The following EPS15 variants were observed in gnomAD, a reference collection of about 807,000 sequenced individuals.
EPS15 encodes the protein epidermal growth factor receptor substrate 15.
EPS15 carries 72 observed loss-of-function variants against 113.8 expected under a neutral mutation model. That is an observed-to-expected ratio of 0.63 (90% CI 0.52 to 0.77). The LOEUF (loss-of-function observed/expected upper bound fraction) is 0.77. Among genes scored for constraint, EPS15 ranks in the 30% least tolerant of loss-of-function variants. The probability of loss-of-function intolerance (pLI) is 0.00; values close to 1 mark genes in which losing one functional copy is unlikely to be tolerated. For missense variants in EPS15, 1,048 were observed against 1,045.8 expected (o/e 1.00, Z -0.03); for synonymous variants, 344 against 363.4 (o/e 0.95, Z 0.61).
At chr1:51,512,843 CT>C (rs59750666) in intron 1 of EPS15, among the ~76,000 whole-genome samples, 5,318 of 118,680 alleles carry the variant, frequency 0.045, 53 homozygotes, top group Middle Eastern at 0.069. Context: ...TGAGCAATAT[CT>C]TTTTTTTTTT....
intron 5 of EPS15, among the ~76,000 whole-genome samples, chr1:51,467,835 A>G (rs995170052): frequency 6.6e-6 from 1 of 152,172 alleles, no homozygotes; most frequent in African/African-American, 2.4e-5. Flanking sequence ...TTCTGAAACC[A>G]TCCATCCCTC....
intron 21 of EPS15, among the ~76,000 whole-genome samples, chr1:51,367,290 G>A (rs569482272): frequency 2.0e-4 from 31 of 152,288 alleles, no homozygotes; most frequent in African/African-American, 7.2e-4. Context: ...AGTGGCTCAC[G>A]CCTGTAATCC....
chr1:51,421,733 A>G, intron 13 of EPS15, 53 bp downstream of exon 13: 1 of 1,119,444 alleles, frequency 8.9e-7, no homozygotes, highest in Admixed American at 2.4e-5. Flanking sequence ...ATATAAATTT[A>G]AAATGAATAG....
intron 5 of EPS15, 26 bp from the exon 6 acceptor site, chr1:51,465,352 A>T (rs189858815): frequency 6.5e-7 from 1 of 1,527,650 alleles, no homozygotes; most frequent in Admixed American, 1.9e-5. Flanking sequence ...AAGCACAACA[A>T]GAGTTGAAAT....
At chr1:51,475,915 C>T (rs1193392133) in intron 2 of EPS15, among the ~76,000 whole-genome samples, 1 of 152,140 alleles carries the variant, frequency 6.6e-6, no homozygotes, top group East Asian at 1.9e-4. Flanking sequence ...CCAGTTTTCC[C>T]AGCACCATTT....
intron 13 of EPS15, among the ~76,000 whole-genome samples, chr1:51,420,185 CTAAG>C (rs1650619651): frequency 1.3e-5 from 2 of 152,032 alleles, no homozygotes; most frequent in Admixed American, 1.3e-4. Flanking sequence ...ACCATTGCCA[CTAAG>C]TAAGAAGGGC....
In EPS15 at chr1:51,471,743, AT is replaced by A; in HGVS notation, c.166-7del. The A allele has an allele frequency of 6.2e-7, 1 of 1,600,662 alleles. No individual in the cohort carries two copies. The highest frequency in any genetic ancestry group is 8.6e-7 in the Non-Finnish European group (1 of 1,168,728). On this transcript the variant is annotated splice_region_variant and splice_polypyrimidine_tract_variant and intron_variant, in intron 3 of 24. Coordinates refer to ENST00000371733, the MANE Select transcript of EPS15 (RefSeq NM_001981.3). ...GTGTCGGCTAAATCCCAAATCTGAA[AT>A]TTAGGGGGAAAAAATATCAATGTAT...
intron 11 of EPS15, among the ~76,000 whole-genome samples, chr1:51,440,909 A>C (rs1415255561): frequency 3.9e-5 from 6 of 152,112 alleles, no homozygotes; most frequent in Non-Finnish European, 8.8e-5. Context: ...AGGAATTTTT[A>C]CTTTTGTTAC....
chr1:51,394,768 T>C (rs72694176), intron 20 of EPS15, among the ~76,000 whole-genome samples: 9,445 of 152,312 alleles, frequency 0.062, 310 homozygotes, highest in Non-Finnish European at 0.074. Context: ...TCTTCATGTG[T>C]CCCTCTATAA....
intron 21 of EPS15, among the ~76,000 whole-genome samples, chr1:51,381,087 T>C (rs1404733394): frequency 2.6e-5 from 4 of 152,166 alleles, no homozygotes; most frequent in South Asian, 2.1e-4. Context: ...ACAGTAACAG[T>C]TGGAGACTTC....
At position 51,398,208 on chromosome 1, in the gene EPS15, C is replaced by T. The variant is rs539238541; in HGVS notation, c.2052+824G>A. Among the ~76,000 whole-genome samples the T allele has an allele frequency of 3.9e-5, 6 of 152,256 alleles. No individual in the cohort carries two copies. The South Asian group carries it at 1.2e-3, about 32-fold the overall frequency. ...AGCTGGGACTATAGGCACCCACCACCGCGCCTGGCTAATTTTTTGTATTTT... is the reference window on the plus strand; with the variant it reads ...AGCTGGGACTATAGGCACCCACCACTGCGCCTGGCTAATTTTTTGTATTTT... On this transcript the variant is annotated intron_variant, in intron 20 of 24. Transcript: ENST00000371733.
chr1:51,380,016 T>G (rs1646902243), intron 21 of EPS15, among the ~76,000 whole-genome samples: 1 of 150,810 alleles, frequency 6.6e-6, no homozygotes, highest in South Asian at 2.1e-4. Context: ...AGCCAAGATC[T>G]TGCCACTGCA....
intron 13 of EPS15, among the ~76,000 whole-genome samples, chr1:51,414,209 C>T (rs781218092): frequency 1.3e-5 from 2 of 151,944 alleles, no homozygotes; most frequent in Non-Finnish European, 2.9e-5. Flanking sequence ...GTCAGGAGTT[C>T]GAGACCAGCC....
chr1:51,360,874 T>C (rs759062080), intron 24 of EPS15, among the ~76,000 whole-genome samples: 1 of 151,994 alleles, frequency 6.6e-6, no homozygotes, highest in African/African-American at 2.4e-5. Context: ...CCCATAACCA[T>C]CCACAAAATA....
intron 12 of EPS15, among the ~76,000 whole-genome samples, chr1:51,424,834 C>T (rs951925704): frequency 2.0e-5 from 3 of 151,888 alleles, no homozygotes; most frequent in African/African-American, 7.3e-5. Flanking sequence ...ACTCAGAAGG[C>T]GGAAGCTGCA....
At chr1:51,413,029 A>G (rs1027377303) in intron 13 of EPS15, among the ~76,000 whole-genome samples, 1 of 152,204 alleles carries the variant, frequency 6.6e-6, no homozygotes, top group Admixed American at 6.5e-5. Context: ...AAGACACATT[A>G]AAACCTTCAG....
chr1:51,460,244 T>C (rs1336542097), intron 8 of EPS15, among the ~76,000 whole-genome samples: 1 of 152,128 alleles, frequency 6.6e-6, no homozygotes, highest in Non-Finnish European at 1.5e-5. Flanking sequence ...AAAAGGGAAA[T>C]TAGAAATTTA....
intron 12 of EPS15, among the ~76,000 whole-genome samples, chr1:51,425,788 G>T (rs1049437931): frequency 6.6e-6 from 1 of 152,096 alleles, no homozygotes; most frequent in Non-Finnish European, 1.5e-5. Context: ...ATCATCTTAG[G>T]ATTTGCAAGG....
intron 21 of EPS15, among the ~76,000 whole-genome samples, chr1:51,389,394 C>T (rs1260778013): frequency 3.3e-5 from 5 of 152,168 alleles, no homozygotes; most frequent in South Asian, 2.1e-4. Flanking sequence ...AAGCATTCCC[C>T]TTGAAAACTG....
Sources: gnomAD v4.1 joint callset for allele counts (sites outside exome capture counted in the v4.1 genomes callset) on GRCh38, gnomAD v4.1.1 for gene constraint, MANE v1.5 for transcripts, NCBI Gene and HGNC (gene_info 2026-07-23, HGNC 2026-07-21) for gene names.